The following FNIP2 variants were observed in gnomAD, a reference collection of about 807,000 sequenced individuals.
FNIP2 encodes the protein folliculin-interacting protein 2.
A neutral mutation model predicts 108.7 loss-of-function variants in FNIP2; 32 were observed. The ratio of observed to expected loss-of-function variants is 0.29; its 90% CI spans 0.22 to 0.40. The LOEUF (loss-of-function observed/expected upper bound fraction) is 0.40. FNIP2 is among the 10% of genes least tolerant of loss of function. The pLI is 1.00. For missense variants in FNIP2, 1,202 were observed against 1,381.6 expected, an observed-to-expected ratio of 0.87 and a Z score of 2.06; for synonymous variants, 480 against 496.7, an observed-to-expected ratio of 0.97 and a Z score of 0.45.
At chr4:158,818,858 T>A (rs1777722096) in intron 1 of FNIP2, among the ~76,000 whole-genome samples, 1 of 152,214 alleles carries the variant, frequency 6.6e-6, no homozygotes, top group African/African-American at 2.4e-5. Context: ...TGGAGCATTC[T>A]AAAATCATCT....
In FNIP2 at chr4:158,893,635, A is replaced by AT. The variant is rs894283327; in HGVS notation, c.3150+1995dup. 4.8e-5 allele frequency: 67 copies of AT among 1,392,092 alleles called. No homozygotes were observed. In the Middle Eastern group the frequency reaches 7.1e-4, roughly 15 times the overall value. 86.2% of individuals were successfully genotyped at this position (1,392,092 alleles called of 1,614,324 possible). ...AGCACTTGTGGATTATTATGATCTTATTTTTTGTTATACAGTAGTAGGCAG... is the reference window on the plus strand; with the variant it reads ...AGCACTTGTGGATTATTATGATCTTATTTTTTTGTTATACAGTAGTAGGCAG... On this transcript the variant is annotated intron_variant, in intron 15 of 16. Coordinates refer to ENST00000264433, the MANE Select transcript of FNIP2 (RefSeq NM_020840.3).
chr4:158,872,477 C>A, intron 14 of FNIP2: 1 of 985,390 alleles, frequency 1.0e-6, no homozygotes, highest in Non-Finnish European at 1.2e-6. Flanking sequence ...TTTATGCAAT[C>A]ACCCTGAGAG....
At chr4:158,875,539 T>TATATATATATATATGC (rs1474470268) in intron 14 of FNIP2, among the ~76,000 whole-genome samples, 1 of 144,180 alleles carries the variant, frequency 6.9e-6, no homozygotes, top group African/African-American at 2.7e-5. Flanking sequence ...TATATATATA[T>TATATATATATATATGC]ATGCTCATGA....
At chr4:158,839,217 G>A (rs1218851936) in intron 7 of FNIP2, among the ~76,000 whole-genome samples, 1 of 152,150 alleles carries the variant, frequency 6.6e-6, no homozygotes, top group Non-Finnish European at 1.5e-5. Flanking sequence ...TGAGGACAGA[G>A]TACCTACATA....
intron 14 of FNIP2, among the ~76,000 whole-genome samples, chr4:158,880,257 G>A (rs902453957): frequency 1.5e-4 from 23 of 152,248 alleles, no homozygotes; most frequent in African/African-American, 4.8e-4. Context: ...GGAATACAAT[G>A]CAGCCATAAA....
intron 14 of FNIP2, among the ~76,000 whole-genome samples, chr4:158,872,980 T>C (rs1781044531): frequency 6.6e-6 from 1 of 152,138 alleles, no homozygotes; most frequent in Admixed American, 6.5e-5. Flanking sequence ...AATAAATTGC[T>C]TTATCAAACT....
chr4:158,834,288 T>TTCTCTCTCTCCCTC (rs1778654534), intron 6 of FNIP2: 1 of 63,220 alleles, frequency 1.6e-5, no homozygotes, highest in Non-Finnish European at 2.9e-5. Flanking sequence ...CATGGAAGAC[T>TTCTCTCTCTCCCTC]TCTCTCTCTC....
At chr4:158,790,043 C>T (rs1776358489) in intron 1 of FNIP2, among the ~76,000 whole-genome samples, 1 of 151,970 alleles carries the variant, frequency 6.6e-6, no homozygotes, top group African/African-American at 2.4e-5. Context: ...CCAACACAAT[C>T]AAAACTGCTA....
chr4:158,785,853 A>G (rs1000813176), intron 1 of FNIP2, among the ~76,000 whole-genome samples: 2 of 152,288 alleles, frequency 1.3e-5, no homozygotes, highest in African/African-American at 4.8e-5. Context: ...ATGAAGGCAA[A>G]GTAATTTTCA....
At chr4:158,882,687 A>G (rs566780952) in intron 14 of FNIP2, among the ~76,000 whole-genome samples, 1 of 152,038 alleles carries the variant, frequency 6.6e-6, no homozygotes, top group Non-Finnish European at 1.5e-5. Flanking sequence ...CTGTTGATCT[A>G]TGACCTTACC....
chr4:158,904,635 A>G lies in FNIP2; in HGVS notation c.*91A>G. The G allele has an allele frequency of 2.7e-6, 3 of 1,126,244 alleles. No individual in the cohort carries two copies. Among genetic ancestry groups the G allele is most frequent in the Middle Eastern group, 4.0e-4 (2 of 5,050 alleles). The allele number at this position is 1,126,244 out of a possible 1,614,324, so 69.8% of individuals were successfully genotyped here. A position where few individuals can be genotyped will look rare whatever the true frequency, so the allele number is the denominator to read the frequency against. On this transcript the variant is annotated 3_prime_UTR_variant, in exon 17 of 17. Transcript: ENST00000264433. ...ATAAGCTCTCTGTGATGTCAAAAGC[A>G]TGAGAAGAGCAAACAGAAACAGTCA...
intron 1 of FNIP2, among the ~76,000 whole-genome samples, chr4:158,770,584 A>G (rs1325518345): frequency 6.6e-6 from 1 of 152,126 alleles, no homozygotes; most frequent in Non-Finnish European, 1.5e-5. Context: ...CGCTCATGGA[A>G]GGCATATTGT....
intron 6 of FNIP2, chr4:158,834,748 A>C (rs1462799012): frequency 1.3e-5 from 2 of 152,294 alleles, no homozygotes; most frequent in Non-Finnish European, 2.9e-5. Context: ...GGTCAATCTG[A>C]AGCATTCCTA....
rs1729273024 is a variant in FNIP2 at position 158,901,550 on chromosome 4, G to A, written c.3267-2916G>A. ...ATGTTGGCCTGCCTTGCTAGGTTGG[G>A]GACATTCTCCTGGATAATAACCTGA... On this transcript the variant is annotated intron_variant, in intron 16 of 16. Coordinates refer to ENST00000264433, the MANE Select transcript of FNIP2 (RefSeq NM_020840.3). 2.0e-5 allele frequency among the ~76,000 whole-genome samples: 3 copies of A among 152,004 alleles called. No individual in the cohort carries two copies. The South Asian group carries it at 6.2e-4, about 32-fold the overall frequency.
intron 15 of FNIP2, among the ~76,000 whole-genome samples, chr4:158,894,675 A>G (rs1227552089): frequency 6.6e-6 from 1 of 152,152 alleles, no homozygotes; most frequent in East Asian, 1.9e-4. Flanking sequence ...TTCACTCCAT[A>G]AGGAACTGAA....
chr4:158,799,197 G>A (rs1046031987), intron 1 of FNIP2, among the ~76,000 whole-genome samples: 2 of 152,312 alleles, frequency 1.3e-5, no homozygotes, highest in South Asian at 4.1e-4. Context: ...ACTGGACTTT[G>A]TACAGCTCTG....
At chr4:158,894,005 A>C (rs943697707) in intron 15 of FNIP2, among the ~76,000 whole-genome samples, 2 of 152,328 alleles carry the variant, frequency 1.3e-5, no homozygotes, top group East Asian at 1.9e-4. Flanking sequence ...ACCTGTGATT[A>C]AATGGCTTTT....
chr4:158,877,904 C>T (rs1448645803), intron 14 of FNIP2, among the ~76,000 whole-genome samples: 2 of 152,090 alleles, frequency 1.3e-5, no homozygotes, highest in African/African-American at 4.8e-5. Context: ...GGAGCCACTG[C>T]ACTCCAGCCT....
chr4:158,785,500 T>G (rs1776195974), intron 1 of FNIP2, among the ~76,000 whole-genome samples: 1 of 152,150 alleles, frequency 6.6e-6, no homozygotes, highest in Non-Finnish European at 1.5e-5. Flanking sequence ...TTCTTTAATT[T>G]TAAATTTAAT....
Sources: allele counts gnomAD v4.1 joint callset (sites outside exome capture counted in the v4.1 genomes callset), GRCh38; gene constraint gnomAD v4.1.1; transcripts MANE v1.5; gene names NCBI Gene and HGNC (gene_info 2026-07-23, HGNC 2026-07-21).